PLCH2: variants seen among roughly 807,000 people sequenced by gnomAD.
The protein encoded by PLCH2 is 1-phosphatidylinositol 4,5-bisphosphate phosphodiesterase eta-2.
In PLCH2, 98 loss-of-function variants were observed where a neutral mutation model predicts 134.7. The observed-to-expected ratio is 0.73, with a 90% confidence interval of 0.62 to 0.86. PLCH2 has a LOEUF of 0.86. Among genes scored for constraint, PLCH2 ranks in the 40% least tolerant of loss-of-function variants. The probability of loss-of-function intolerance (pLI) is 0.00; values close to 1 mark genes in which losing one functional copy is unlikely to be tolerated. For missense variants in PLCH2, 1,994 were observed against 1,986.6 expected (o/e 1.00, Z -0.07); for synonymous variants, 974 against 827.5 (o/e 1.18, Z -3.04).
At chr1:2,432,787 G>A (rs553908303) in intron 2 of PLCH2, among the ~76,000 whole-genome samples, 56 of 152,272 alleles carry the variant, frequency 3.7e-4, no homozygotes, top group African/African-American at 1.3e-3. Context: ...GGACACCGCC[G>A]CCCTCCCACA....
At chr1:2,490,327 G>C (rs1397810287) in intron 10 of PLCH2, among the ~76,000 whole-genome samples, 1 of 152,204 alleles carries the variant, frequency 6.6e-6, no homozygotes, top group Non-Finnish European at 1.5e-5. Flanking sequence ...GCCAGTGCTG[G>C]CCTCATCTCC....
chr1:2,502,837 G>A (rs1233295003), intron 21 of PLCH2: 2 of 717,072 alleles, frequency 2.8e-6, no homozygotes, highest in African/African-American at 3.5e-5. Context: ...CGGGGGCCCT[G>A]CAGGGAGAGA....
chr1:2,463,059 G>A (rs576582080), upstream of PLCH2, among the ~76,000 whole-genome samples: 2 of 152,332 alleles, frequency 1.3e-5, no homozygotes, highest in Non-Finnish European at 2.9e-5. Flanking sequence ...TGTCAGCACC[G>A]TCTCGTCATT....
Position 2,498,471 on chromosome 1 carries a change from AG to A in PLCH2, c.2225-47del. 6.3e-7 allele frequency: 1 copy of A among 1,576,050 alleles called. No homozygotes were observed. The highest frequency in any genetic ancestry group is 8.6e-7 in the Non-Finnish European group (1 of 1,158,716). ...TGTTGGCAGCCATGCCCCAGCAAGC[AG>A]GGGGCTTGCTGAGGGCTGGGCCACT... On this transcript the variant is annotated intron_variant, in intron 16 of 21. Coordinates refer to ENST00000378486, the MANE Select transcript of PLCH2 (RefSeq NM_014638.4). This position sits in a 1 kb window ranked among gnomAD's most constrained non-coding sequence, Gnocchi z 5.4.
chr1:2,469,144 C>A (rs1475169636), intron 1 of PLCH2, among the ~76,000 whole-genome samples: 1 of 152,346 alleles, frequency 6.6e-6, no homozygotes, highest in African/African-American at 2.4e-5. Flanking sequence ...CTGGTTCCTG[C>A]CTGTCTGGCC....
chr1:2,462,111 C>T (rs1640835824), intron 2 of PLCH2, among the ~76,000 whole-genome samples: 1 of 131,516 alleles, frequency 7.6e-6, no homozygotes, highest in African/African-American at 3.0e-5. Flanking sequence ...CCCCCTCCGC[C>T]TGACACCCCT....
At chr1:2,473,813 C>T (rs747966109), upstream of PLCH2, among the ~76,000 whole-genome samples, 3 of 152,202 alleles carry the variant, frequency 2.0e-5, no homozygotes, top group Non-Finnish European at 2.9e-5. Flanking sequence ...CTCCTCTCCC[C>T]GACGGAGCCT....
chr1:2,496,045 G>A (rs545981250), intron 13 of PLCH2, among the ~76,000 whole-genome samples: 20 of 151,650 alleles, frequency 1.3e-4, no homozygotes, highest in African/African-American at 3.4e-4. Flanking sequence ...CACCCCTCCC[G>A]GACCCTGGGC....
intron 2 of PLCH2, among the ~76,000 whole-genome samples, chr1:2,431,747 C>T (rs550455241): frequency 1.4e-4 from 21 of 152,268 alleles, no homozygotes; most frequent in Admixed American, 5.9e-4. Flanking sequence ...ATCACAGTCC[C>T]TGCCTCTCCG....
In PLCH2 at chr1:2,505,233, G is replaced by C; in HGVS notation, c.*20G>C. ...CTCTGACCGTCAGTGGTGGGAACCTGGGCGGCTCTGGAGGCCCAGGGCAGG... is the reference window on the plus strand; with the variant it reads ...CTCTGACCGTCAGTGGTGGGAACCTCGGCGGCTCTGGAGGCCCAGGGCAGG... On this transcript the variant is annotated 3_prime_UTR_variant, in exon 22 of 22. Coordinates refer to ENST00000378486, the MANE Select transcript of PLCH2 (RefSeq NM_014638.4). 1 of 1,547,426 alleles carries C rather than the reference G, an allele frequency of 6.5e-7. No individual in the cohort carries two copies. Among genetic ancestry groups the C allele is most frequent in the South Asian group, 1.2e-5 (1 of 84,906 alleles).
intron 2 of PLCH2, among the ~76,000 whole-genome samples, chr1:2,458,221 C>T (rs567674375): frequency 5.9e-5 from 9 of 152,272 alleles, no homozygotes; most frequent in East Asian, 1.9e-4. Flanking sequence ...TATCAGTCCC[C>T]GTAAGGCCCT....
At chr1:2,428,300 C>T (rs1169710414) in intron 1 of PLCH2, among the ~76,000 whole-genome samples, 15 of 152,220 alleles carry the variant, frequency 9.9e-5, no homozygotes, top group African/African-American at 3.1e-4. Context: ...GAGCAGCAGG[C>T]CTCGCTGGGG....
chr1:2,495,225 T>C (rs1642815820), intron 12 of PLCH2, among the ~76,000 whole-genome samples: 1 of 152,168 alleles, frequency 6.6e-6, no homozygotes, highest in South Asian at 2.1e-4. Flanking sequence ...AACAGGTGCC[T>C]GGCTGGCTCA....
upstream of PLCH2, among the ~76,000 whole-genome samples, chr1:2,465,496 G>A (rs1399711791): frequency 8.5e-5 from 13 of 152,142 alleles, no homozygotes; most frequent in Admixed American, 7.2e-4. Flanking sequence ...CCTTCCAGTC[G>A]CCTTCTTCAA....
chr1:2,501,939 T>C, intron 20 of PLCH2, 173 bp from the exon 21 acceptor site: 1 of 559,548 alleles, frequency 1.8e-6, no homozygotes, highest in Admixed American at 3.7e-5. Flanking sequence ...CTAGGGACCC[T>C]GCTCCTGAAG....
chr1:2,496,818 G>A lies in PLCH2; in HGVS notation c.1934-10G>A, dbSNP rs775882034. ...ACTGGCAGTCTGATGCCCGGTCACC[G>A]GCGCCACAGCGGCGTCCAGCTGGCA... On this transcript the variant is annotated splice_polypyrimidine_tract_variant and intron_variant, in intron 14 of 21. Coordinates refer to ENST00000378486, the MANE Select transcript of PLCH2 (RefSeq NM_014638.4). The A allele has an allele frequency of 3.7e-6, 6 of 1,610,870 alleles. No individual in the cohort carries two copies. The highest frequency in any genetic ancestry group is 2.2e-5 in the East Asian group (1 of 44,830).
At chr1:2,462,686 A>G (rs1045657459), upstream of PLCH2, among the ~76,000 whole-genome samples, 1 of 152,062 alleles carries the variant, frequency 6.6e-6, no homozygotes, top group African/African-American at 2.4e-5. Context: ...GGCTCTGGGC[A>G]TCGCTGGGGT....
chr1:2,505,144 A>T lies in PLCH2; in HGVS notation c.4182A>T (p.Pro1394=). The T allele has an allele frequency of 6.4e-7, 1 of 1,560,918 alleles. No homozygotes were observed. Among genetic ancestry groups the T allele is most frequent in the East Asian group, 2.4e-5 (1 of 42,170 alleles). Residue 1394 remains proline, a synonymous_variant, in exon 22 of 22, where the codon CCA becomes CCT. Transcript: ENST00000378486. The part of the protein sequence containing the change: ...SVGHEGSVDA[P]APSKGALGPA... ...GCCACGAGGGCAGTGTGGATGCACC[A>T]GCACCCTCCAAGGGAGCCCTCGGGC...
Position 2,491,314 on chromosome 1 carries a change from A to G in PLCH2, c.1638A>G (p.Pro546=), listed in dbSNP as rs1216680047. The part of the protein sequence containing the change: ...PNNFSVSTLS[P]SGKLGRKSKA... ...ACTTCTCCGTCTCCACACTGTCCCC[A>G]TCTGGAAAGCTCGGACGCAAGGTAG... Residue 546 remains proline, a synonymous_variant, in exon 11 of 22, where the codon CCA becomes CCG. Transcript: ENST00000378486. 11 of 1,613,000 alleles carry G rather than the reference A, an allele frequency of 6.8e-6. No homozygotes were observed. The highest frequency in any genetic ancestry group is 9.3e-6 in the Non-Finnish European group (11 of 1,179,808).
Sources: gnomAD v4.1 joint callset for allele counts (sites outside exome capture counted in the v4.1 genomes callset) on GRCh38, gnomAD v4.1.1 for gene constraint, Gnocchi (gnomAD v3.1) non-coding constraint, MANE v1.5 for transcripts, NCBI Gene and HGNC (gene_info 2026-07-23, HGNC 2026-07-21) for gene names.